Variants in CADM2 observed in about 807,000 individuals in gnomAD.
CADM2 encodes cell adhesion molecule 2, also known as immunoglobulin superfamily member 4D.
CADM2 carries 12 observed loss-of-function variants against 49.8 expected under a neutral mutation model. The observed-to-expected ratio is 0.24, with a 90% CI of 0.15 to 0.39. The LOEUF is 0.39. Among genes scored for constraint, CADM2 ranks in the 10% least tolerant of loss-of-function variants. The pLI is 1.00. For missense variants in CADM2, 378 were observed against 492.3 expected (o/e 0.77, Z 2.20); for synonymous variants, 214 against 175.4 (o/e 1.22, Z -1.74).
intron 8 of CADM2, among the ~76,000 whole-genome samples, chr3:86,035,901 G>C (rs1161309300): frequency 6.6e-6 from 1 of 152,068 alleles, no homozygotes; most frequent in Non-Finnish European, 1.5e-5. Context: ...TTCAATTCTT[G>C]CTGAGGGTCA....
chr3:85,557,823 T>C, intron 1 of CADM2, among the ~76,000 whole-genome samples: 1 of 152,050 alleles, frequency 6.6e-6, no homozygotes, highest in Non-Finnish European at 1.5e-5. Context: ...CTGTGCCCTA[T>C]GTGCCATGTC....
intron 3 of CADM2, among the ~76,000 whole-genome samples, chr3:85,880,097 C>T (rs1712519666): frequency 6.6e-6 from 1 of 152,076 alleles, no homozygotes; most frequent in Non-Finnish European, 1.5e-5. Flanking sequence ...TAAATGGATT[C>T]CGTCTTTATT....
At chr3:85,067,763 A>T (rs2036578047) in intron 1 of CADM2, among the ~76,000 whole-genome samples, 1 of 152,166 alleles carries the variant, frequency 6.6e-6, no homozygotes, top group East Asian at 1.9e-4. Flanking sequence ...GATAGAATTA[A>T]TCTAAGCTGC....
chr3:85,597,380 T>C (rs1434648738), intron 1 of CADM2, among the ~76,000 whole-genome samples: 2 of 152,082 alleles, frequency 1.3e-5, no homozygotes, highest in Non-Finnish European at 2.9e-5. Flanking sequence ...TAGATTCATA[T>C]CTTAAATGTT....
chr3:85,045,352 C>T (rs2035612380), intron 1 of CADM2, among the ~76,000 whole-genome samples: 1 of 152,120 alleles, frequency 6.6e-6, no homozygotes. Context: ...GTGTTCTAAT[C>T]AGATAACTCT....
intron 1 of CADM2, among the ~76,000 whole-genome samples, chr3:85,684,620 C>G (rs946975447): frequency 6.6e-6 from 1 of 152,070 alleles, no homozygotes; most frequent in Non-Finnish European, 1.5e-5. Flanking sequence ...ACTCATAGTT[C>G]CACATCGCTG....
chr3:85,102,308 T>C (rs1332166899), intron 1 of CADM2, among the ~76,000 whole-genome samples: 1 of 152,118 alleles, frequency 6.6e-6, no homozygotes, highest in African/African-American at 2.4e-5. Flanking sequence ...TCCCATAAAA[T>C]CAAATTTACA....
chr3:85,398,801 C>T (rs1214981387), intron 1 of CADM2, among the ~76,000 whole-genome samples: 1 of 152,170 alleles, frequency 6.6e-6, no homozygotes, highest in Non-Finnish European at 1.5e-5. Flanking sequence ...GCATAAATGT[C>T]TCCTTTTGAG....
chr3:85,509,442 A>G (rs2040511684), intron 1 of CADM2, among the ~76,000 whole-genome samples: 2 of 152,138 alleles, frequency 1.3e-5, no homozygotes, highest in South Asian at 4.1e-4. Flanking sequence ...CTGGTTAGGA[A>G]ATTGATATAC....
chr3:85,886,175 T>G lies in CADM2; in HGVS notation c.392-15T>G. ...TGAAGATTGATGCTCACTTCATCAT[T>G]CGCTTAAATTTCAGGTGTTCCTGAA... On this transcript the variant is annotated splice_polypyrimidine_tract_variant and intron_variant, in intron 4 of 9. Transcript: ENST00000383699. 3.1e-6 allele frequency: 5 copies of G among 1,611,938 alleles called. No homozygotes were observed. Among genetic ancestry groups the G allele is most frequent in the Non-Finnish European group, 4.2e-6 (5 of 1,178,416 alleles).
At chr3:85,191,523 AT>A (rs990694860) in intron 1 of CADM2, among the ~76,000 whole-genome samples, 1 of 152,092 alleles carries the variant, frequency 6.6e-6, no homozygotes, top group African/African-American at 2.4e-5. Flanking sequence ...AATAAATTAC[AT>A]AATTTACTCA....
At chr3:85,175,523 C>G (rs1016599167) in intron 1 of CADM2, among the ~76,000 whole-genome samples, 1 of 152,098 alleles carries the variant, frequency 6.6e-6, no homozygotes, top group East Asian at 1.9e-4. Context: ...TTGCATATTC[C>G]TCTTGCACGA....
rs768222162 is a variant in CADM2, at chr3:85,961,600, C to A, written c.923C>A (p.Thr308Lys). The change falls in exon 8 of 10, where the codon ACA becomes AAA. Residue 308 changes from threonine to lysine, a missense_variant. Thr to Lys is a moderately conservative substitution (Grantham distance 78, BLOSUM62 -1). Transcript: ENST00000383699. ...TDNGTYRCEA[T>K]NTIGQSSAEY... ...AATGGTACATATCGATGTGAAGCCA[C>A]AAACACCATTGGCCAAAGCAGTGCG... The A allele has an allele frequency of 6.2e-7, 1 of 1,605,714 alleles. No homozygotes were observed. Among genetic ancestry groups the A allele is most frequent in the Non-Finnish European group, 8.5e-7 (1 of 1,174,270 alleles).
intron 3 of CADM2, among the ~76,000 whole-genome samples, chr3:85,803,500 A>AATGATAGATAGATAG (rs2072192342): frequency 6.7e-6 from 1 of 149,422 alleles, no homozygotes; most frequent in Admixed American, 6.7e-5. Context: ...TAGATAGATA[A>AATGATAGATAGATAG]ATAGATAGAT....
At chr3:85,376,028 A>G (rs1448503184) in intron 1 of CADM2, among the ~76,000 whole-genome samples, 2 of 152,134 alleles carry the variant, frequency 1.3e-5, no homozygotes, top group Non-Finnish European at 2.9e-5. Context: ...ATGTAATTTA[A>G]TCTTTACAGC....
At chr3:85,537,145 G>A (rs1448473664) in intron 1 of CADM2, among the ~76,000 whole-genome samples, 1 of 152,046 alleles carries the variant, frequency 6.6e-6, no homozygotes, top group African/African-American at 2.4e-5. Flanking sequence ...GTGAGAAACA[G>A]TATACTTAGT....
At position 85,074,847 on chromosome 3, in the gene CADM2, T is replaced by C. The variant is rs568354673; in HGVS notation, c.61+115179T>C. Among the ~76,000 whole-genome samples, 39 of 151,998 alleles carry C rather than the reference T, an allele frequency of 2.6e-4. No individual in the cohort carries two copies. The South Asian group carries it at 8.1e-3, about 32-fold the overall frequency. ...CCGGGATAGAGATTTTTCTTCTCTA[T>C]ATTATGAGAAAAATGGAATAAGTAT... On this transcript the variant is annotated intron_variant, in intron 1 of 9. Coordinates refer to ENST00000383699, the MANE Select transcript of CADM2 (RefSeq NM_001167675.2).
intron 3 of CADM2, among the ~76,000 whole-genome samples, chr3:85,818,609 A>T (rs912307223): frequency 4.6e-5 from 7 of 152,162 alleles, no homozygotes; most frequent in Admixed American, 1.3e-4. Context: ...TGTATTATCT[A>T]TAAATAATTT....
chr3:85,301,913 G>A (rs1291757830), intron 1 of CADM2, among the ~76,000 whole-genome samples: 1 of 152,020 alleles, frequency 6.6e-6, no homozygotes, highest in Non-Finnish European at 1.5e-5. Flanking sequence ...AAGGTTATAT[G>A]TAGTTCTTTA....
Sources: allele counts gnomAD v4.1 joint callset (sites outside exome capture counted in the v4.1 genomes callset), GRCh38; gene constraint gnomAD v4.1.1; transcripts MANE v1.5; gene names NCBI Gene and HGNC (gene_info 2026-07-23, HGNC 2026-07-21).